ADAM12: variants seen among roughly 807,000 people sequenced by gnomAD.
The protein encoded by ADAM12 is disintegrin and metalloproteinase domain-containing protein 12.
In ADAM12, 70 loss-of-function variants were observed where a neutral mutation model predicts 106.4. The observed-to-expected ratio is 0.66, with a 90% CI of 0.54 to 0.80. ADAM12 has a LOEUF of 0.80. ADAM12 is among the 30% of genes least tolerant of loss of function. ADAM12 has a pLI of 0.00. For synonymous variants in ADAM12, 420 were observed against 433.5 expected (o/e 0.97, Z 0.39); for missense variants, 1,010 against 1,171.9 (o/e 0.86, Z 2.02).
At chr10:126,056,212 G>T (rs1225776104) in intron 14 of ADAM12, among the ~76,000 whole-genome samples, 1 of 152,160 alleles carries the variant, frequency 6.6e-6, no homozygotes. Flanking sequence ...AAAACATGAG[G>T]GAGTGAGGGA....
intron 3 of ADAM12, among the ~76,000 whole-genome samples, chr10:126,159,627 C>T (rs1395673826): frequency 6.6e-6 from 1 of 151,908 alleles, no homozygotes; most frequent in Non-Finnish European, 1.5e-5. Context: ...GACAGATGGC[C>T]AAGGAGAAAA....
In ADAM12 at chr10:126,135,773, T is replaced by C. The variant is rs185857231; in HGVS notation, c.340-113A>G. ...TAGAATTTTCCATTGCATAAAATAT[T>C]GTTCTACAGTCTTAATATTTAATGC... On this transcript the variant is annotated intron_variant, in intron 4 of 22. Coordinates refer to ENST00000448723, the MANE Select transcript of ADAM12 (RefSeq NM_001288973.2). 3.7e-5 allele frequency: 34 copies of C among 915,502 alleles called. No individual in the cohort carries two copies. In the Middle Eastern group the frequency reaches 6.5e-4, roughly 17 times the overall value. 56.7% of individuals were successfully genotyped at this position (915,502 alleles called of 1,614,324 possible).
At chr10:126,146,858 A>T (rs2133703627) in intron 4 of ADAM12, among the ~76,000 whole-genome samples, 1 of 152,262 alleles carries the variant, frequency 6.6e-6, no homozygotes, top group Non-Finnish European at 1.5e-5. Flanking sequence ...CTTACACTTG[A>T]TACACTTATG....
intron 3 of ADAM12, among the ~76,000 whole-genome samples, chr10:126,253,544 C>T (rs531753919): frequency 1.3e-5 from 2 of 152,342 alleles, no homozygotes; most frequent in Admixed American, 1.3e-4. Context: ...GCAGTGTCCA[C>T]GAATCATCCC....
chr10:126,110,709 C>T (rs1955853707), intron 6 of ADAM12, among the ~76,000 whole-genome samples: 1 of 152,132 alleles, frequency 6.6e-6, no homozygotes, highest in Non-Finnish European at 1.5e-5. Context: ...ATCAAACTTC[C>T]TCAAAAAGCA....
chr10:126,374,667 G>T lies in ADAM12; in HGVS notation c.88+13391C>A, dbSNP rs973793225. Among the ~76,000 whole-genome samples, 3 of 152,030 alleles carry T rather than the reference G, an allele frequency of 2.0e-5. No homozygotes were observed. The East Asian group carries it at 5.8e-4, about 29-fold the overall frequency. ...TTGTAGACATCACCCAGAATATAAA[G>T]CAAAGAGTGATAAAGAGATGAAGAG... On this transcript the variant is annotated intron_variant, in intron 1 of 22. Transcript: ENST00000448723.
chr10:126,160,060 G>C (rs1393232108), intron 3 of ADAM12, among the ~76,000 whole-genome samples: 1 of 152,164 alleles, frequency 6.6e-6, no homozygotes, highest in Non-Finnish European at 1.5e-5. Flanking sequence ...TTGATTTACA[G>C]ATAAGATGCA....
intron 11 of ADAM12, among the ~76,000 whole-genome samples, chr10:126,078,251 C>T (rs1565038711): frequency 6.6e-6 from 1 of 152,168 alleles, no homozygotes; most frequent in Non-Finnish European, 1.5e-5. Flanking sequence ...TTTATTCACT[C>T]ACTTATGGAG....
At chr10:126,114,180 C>G (rs1278385) in intron 6 of ADAM12, among the ~76,000 whole-genome samples, 88,045 of 151,900 alleles carry the variant, frequency 0.58, 25,577 homozygotes, top group Non-Finnish European at 0.6. Flanking sequence ...AGGATACAGC[C>G]TCTGACACCT....
chr10:126,368,478 A>G (rs1225439910), intron 1 of ADAM12, among the ~76,000 whole-genome samples: 1 of 152,006 alleles, frequency 6.6e-6, no homozygotes, highest in East Asian at 1.9e-4. Flanking sequence ...GAGTTTATCA[A>G]TAATAACCTT....
At chr10:126,156,683 T>C (rs1017017836) in intron 3 of ADAM12, among the ~76,000 whole-genome samples, 17 of 152,184 alleles carry the variant, frequency 1.1e-4, no homozygotes, top group African/African-American at 4.1e-4. Context: ...GTGCTTTGGG[T>C]GGAGCATCCT....
At chr10:126,331,070 C>G (rs1854494087) in intron 1 of ADAM12, among the ~76,000 whole-genome samples, 1 of 152,152 alleles carries the variant, frequency 6.6e-6, no homozygotes, top group South Asian at 2.1e-4. Context: ...AAAATCAAGT[C>G]ATTCAATAAA....
intron 11 of ADAM12, among the ~76,000 whole-genome samples, chr10:126,090,561 C>T (rs545253147): frequency 6.6e-6 from 1 of 152,324 alleles, no homozygotes; most frequent in South Asian, 2.1e-4. Context: ...TCCCCAGATA[C>T]TGCTTTTGCC....
intron 3 of ADAM12, among the ~76,000 whole-genome samples, chr10:126,249,593 A>C (rs1590680422): frequency 6.6e-6 from 1 of 152,300 alleles, no homozygotes; most frequent in East Asian, 1.9e-4. Flanking sequence ...AGTCTCAGCT[A>C]CTTGGGAGGC....
chr10:126,108,780 C>A lies in ADAM12; in HGVS notation c.670-116G>T. On this transcript the variant is annotated intron_variant, in intron 7 of 22. Transcript: ENST00000448723. ...TTTACAAACCACTGGGGACCCTCCA[C>A]AGTTCACGGTAAAATGAGCTTGCAT... 6.8e-6 allele frequency: 6 copies of A among 887,680 alleles called. No individual in the cohort carries two copies. In the South Asian group the frequency reaches 9.2e-5, roughly 14 times the overall value. 55.0% of individuals were successfully genotyped at this position (887,680 alleles called of 1,614,324 possible). A position where few individuals can be genotyped will look rare whatever the true frequency, so the allele number is the denominator to read the frequency against.
intron 21 of ADAM12, among the ~76,000 whole-genome samples, chr10:126,020,992 C>CAAAAAAAAAA (rs3067295): frequency 2.0e-5 from 2 of 98,368 alleles, no homozygotes; most frequent in African/African-American, 3.7e-5. Flanking sequence ...GACTCTGTCT[C>CAAAAAAAAAA]AAAAAAAAAA....
intron 3 of ADAM12, among the ~76,000 whole-genome samples, chr10:126,190,990 C>CTTTTT (rs10669948): frequency 1.0e-4 from 7 of 67,938 alleles, no homozygotes; most frequent in African/African-American, 3.6e-4. Context: ...GAGTTTTGTC[C>CTTTTT]TTTTTTTTTT....
chr10:126,029,262 T>C (rs968270061), intron 21 of ADAM12, among the ~76,000 whole-genome samples: 3 of 152,142 alleles, frequency 2.0e-5, no homozygotes, highest in South Asian at 2.1e-4. Context: ...CCCAAAGGAA[T>C]AGAAATCATT....
intron 11 of ADAM12, among the ~76,000 whole-genome samples, chr10:126,073,190 G>A (rs1401146234): frequency 6.6e-6 from 1 of 152,202 alleles, no homozygotes; most frequent in Non-Finnish European, 1.5e-5. Context: ...CCGGATTCAA[G>A]TAACTCTCCT....
Sources: gnomAD v4.1 joint callset for allele counts (sites outside exome capture counted in the v4.1 genomes callset) on GRCh38, gnomAD v4.1.1 for gene constraint, MANE v1.5 for transcripts, NCBI Gene and HGNC (gene_info 2026-07-23, HGNC 2026-07-21) for gene names.